PDE4D: variants seen among roughly 807,000 people sequenced by gnomAD.
PDE4D encodes 3',5'-cyclic-AMP phosphodiesterase 4D.
A neutral mutation model predicts 87.4 loss-of-function variants in PDE4D; 24 were observed. The ratio of observed to expected loss-of-function variants is 0.27; its 90% CI spans 0.20 to 0.39. The LOEUF is 0.39. Among genes scored for constraint, PDE4D ranks in the 10% least tolerant of loss-of-function variants. The pLI is 1.00. For synonymous variants in PDE4D, 384 were observed against 383.2 expected (o/e 1.00, Z -0.02); for missense variants, 714 against 1,041.0 (o/e 0.69, Z 4.32).
chr5:59,556,376 C>A (rs1818920266), intron 1 of PDE4D, among the ~76,000 whole-genome samples: 1 of 152,138 alleles, frequency 6.6e-6, no homozygotes, highest in African/African-American at 2.4e-5. Flanking sequence ...TTCAGCACAG[C>A]AACCCTAAGA....
intron 1 of PDE4D, among the ~76,000 whole-genome samples, chr5:59,765,242 G>A (rs1033857701): frequency 2.0e-5 from 3 of 152,142 alleles, no homozygotes; most frequent in African/African-American, 7.2e-5. Context: ...TTAGAAGCAA[G>A]GTCTTTCCAA....
intron 1 of PDE4D, among the ~76,000 whole-genome samples, chr5:60,357,309 T>C (rs1022218317): frequency 2.6e-5 from 4 of 152,206 alleles, no homozygotes; most frequent in Non-Finnish European, 2.9e-5. Context: ...TTGAGCTTCA[T>C]TGTATTTATG....
At chr5:59,289,989 A>G (rs1485439329) in intron 1 of PDE4D, among the ~76,000 whole-genome samples, 2 of 151,950 alleles carry the variant, frequency 1.3e-5, no homozygotes, top group African/African-American at 4.8e-5. Context: ...ACAATGATCT[A>G]TCAACTATCA....
chr5:59,359,892 T>A (rs1781936656), intron 1 of PDE4D, among the ~76,000 whole-genome samples: 2 of 152,162 alleles, frequency 1.3e-5, no homozygotes, highest in South Asian at 4.1e-4. Flanking sequence ...AAAACCAGAT[T>A]CGGAAATCTA....
chr5:60,208,841 T>C (rs1335235299), intron 1 of PDE4D, among the ~76,000 whole-genome samples: 1 of 152,128 alleles, frequency 6.6e-6, no homozygotes, highest in Non-Finnish European at 1.5e-5. Flanking sequence ...CGGGACACTA[T>C]CCAGCATGCA....
At chr5:60,171,172 A>G (rs1173956350) in intron 2 of PDE4D, among the ~76,000 whole-genome samples, 1 of 152,126 alleles carries the variant, frequency 6.6e-6, no homozygotes, top group Non-Finnish European at 1.5e-5. Flanking sequence ...AAGCAAAAAT[A>G]GTATACACAA....
chr5:59,431,493 G>T (rs1796108635), intron 1 of PDE4D, among the ~76,000 whole-genome samples: 1 of 152,040 alleles, frequency 6.6e-6, no homozygotes, highest in Non-Finnish European at 1.5e-5. Context: ...TGGGACCTGG[G>T]TAAACATACA....
chr5:59,032,697 G>C (rs1757787121), intron 6 of PDE4D, among the ~76,000 whole-genome samples: 1 of 152,194 alleles, frequency 6.6e-6, no homozygotes, highest in Non-Finnish European at 1.5e-5. Context: ...GTGACACAGA[G>C]TTTTTCTTAA....
At chr5:59,729,941 G>A (rs1304388616) in intron 1 of PDE4D, among the ~76,000 whole-genome samples, 2 of 151,956 alleles carry the variant, frequency 1.3e-5, no homozygotes, top group African/African-American at 4.8e-5. Flanking sequence ...GTACAAAATA[G>A]CCCCAGAATA....
At chr5:60,291,813 T>A (rs1752923435) in intron 1 of PDE4D, among the ~76,000 whole-genome samples, 1 of 152,176 alleles carries the variant, frequency 6.6e-6, no homozygotes, top group Non-Finnish European at 1.5e-5. Flanking sequence ...TAGTTTCACT[T>A]CCGGGAATCT....
intron 5 of PDE4D, among the ~76,000 whole-genome samples, chr5:59,072,888 T>C (rs968544926): frequency 1.3e-5 from 2 of 152,214 alleles, no homozygotes; most frequent in Non-Finnish European, 2.9e-5. Context: ...TCTTTTAGGA[T>C]GACCGATTCT....
intron 1 of PDE4D, among the ~76,000 whole-genome samples, chr5:60,190,212 C>T (rs1323517946): frequency 6.6e-6 from 1 of 152,178 alleles, no homozygotes; most frequent in African/African-American, 2.4e-5. Flanking sequence ...AGAAAAGAAA[C>T]ATACAAGGAT....
intron 1 of PDE4D, among the ~76,000 whole-genome samples, chr5:60,195,275 C>G (rs967337347): frequency 6.6e-6 from 1 of 151,644 alleles, no homozygotes; most frequent in South Asian, 2.1e-4. Context: ...GTATATTTGT[C>G]AAATTACATC....
At chr5:59,370,815 T>A (rs537173449) in intron 1 of PDE4D, among the ~76,000 whole-genome samples, 2 of 152,192 alleles carry the variant, frequency 1.3e-5, no homozygotes, top group Admixed American at 1.3e-4. Flanking sequence ...CCATATGAGA[T>A]AAATATTGAT....
intron 2 of PDE4D, among the ~76,000 whole-genome samples, chr5:60,150,408 A>G (rs1781400269): frequency 6.6e-6 from 1 of 152,096 alleles, no homozygotes. Context: ...TGTGGAAAAT[A>G]TCTTGTAAAC....
intron 1 of PDE4D, among the ~76,000 whole-genome samples, chr5:59,707,774 G>A (rs1753652703): frequency 6.6e-6 from 1 of 151,958 alleles, no homozygotes; most frequent in South Asian, 2.1e-4. Flanking sequence ...CCACGTCCCT[G>A]CAAAGGACAT....
intron 2 of PDE4D, among the ~76,000 whole-genome samples, chr5:60,093,762 G>A (rs2149315942): frequency 6.7e-6 from 1 of 148,374 alleles, no homozygotes; most frequent in South Asian, 2.2e-4. Flanking sequence ...GATTAATGGT[G>A]ATTTTTAACT....
chr5:59,727,313 T>C (rs1756743889), intron 1 of PDE4D, among the ~76,000 whole-genome samples: 1 of 152,036 alleles, frequency 6.6e-6, no homozygotes, highest in African/African-American at 2.4e-5. Context: ...TAAATGAAAA[T>C]AGACAGTTGG....
chr5:59,502,601 C>T (rs1808486977), intron 1 of PDE4D, among the ~76,000 whole-genome samples: 2 of 150,954 alleles, frequency 1.3e-5, no homozygotes, highest in African/African-American at 4.9e-5. Context: ...TATTTTAATT[C>T]AATTAGGAAA....
Sources: allele counts gnomAD v4.1 joint callset (sites outside exome capture counted in the v4.1 genomes callset), GRCh38; gene constraint gnomAD v4.1.1; transcripts MANE v1.5; gene names NCBI Gene and HGNC (gene_info 2026-07-23, HGNC 2026-07-21).